GFRA1: variants seen among roughly 807,000 people sequenced by gnomAD.
The protein encoded by GFRA1 is GDNF family receptor alpha 1.
In GFRA1, 16 loss-of-function variants were observed where a neutral mutation model predicts 51.6. The ratio of observed to expected loss-of-function variants is 0.31; its 90% CI spans 0.21 to 0.47. The LOEUF (loss-of-function observed/expected upper bound fraction) is 0.47. Among genes scored for constraint, GFRA1 ranks in the 20% least tolerant of loss-of-function variants. GFRA1 has a pLI of 1.00. For missense variants in GFRA1, 530 were observed against 594.3 expected (o/e 0.89, Z 1.13); for synonymous variants, 270 against 241.3 (o/e 1.12, Z -1.10).
rs1444580392 is a variant in GFRA1, at chr10:116,063,497, C to A, written c.*901G>T. On this transcript the variant is annotated 3_prime_UTR_variant, in exon 11 of 11. Coordinates refer to ENST00000355422, the MANE Select transcript of GFRA1 (RefSeq NM_005264.8). The stretch of plus-strand genomic sequence containing the variant: ...TTAAACCATCAGTAAAAAAATGAGA[C>A]AATATCATTACTTTCAAAATATAGA... The A allele has an allele frequency of 6.6e-6, 1 of 152,160 alleles. No individual in the cohort carries two copies. Among genetic ancestry groups the A allele is most frequent in the African/African-American group, 2.4e-5 (1 of 41,450 alleles). The allele number at this position is 152,160 out of a possible 1,614,324, so 9.4% of individuals were successfully genotyped here. A position where few individuals can be genotyped will look rare whatever the true frequency, so the allele number is the denominator to read the frequency against.
intron 5 of GFRA1, among the ~76,000 whole-genome samples, chr10:116,147,251 G>C (rs920087237): frequency 2.6e-5 from 4 of 152,156 alleles, no homozygotes; most frequent in African/African-American, 4.8e-5. Flanking sequence ...ATCTCCTGGG[G>C]AACAGCTAAT....
intron 9 of GFRA1, among the ~76,000 whole-genome samples, chr10:116,082,326 C>A: frequency 6.6e-6 from 1 of 152,212 alleles, no homozygotes. Flanking sequence ...AGACCTAGTC[C>A]TTTTATTGCC....
intron 6 of GFRA1, among the ~76,000 whole-genome samples, chr10:116,116,581 G>C (rs1173442577): frequency 3.3e-5 from 5 of 152,228 alleles, no homozygotes; most frequent in Non-Finnish European, 7.3e-5. Flanking sequence ...GACCCTCACT[G>C]TCCAGCAGAT....
chr10:116,080,770 G>T (rs1254049049), intron 9 of GFRA1, among the ~76,000 whole-genome samples: 1 of 152,138 alleles, frequency 6.6e-6, no homozygotes, highest in Non-Finnish European at 1.5e-5. Context: ...ACAGGGTTGG[G>T]ACTTGAGCCA....
intron 5 of GFRA1, among the ~76,000 whole-genome samples, chr10:116,165,672 C>CACACACAT (rs1265169171): frequency 6.6e-6 from 1 of 151,572 alleles, no homozygotes; most frequent in South Asian, 2.1e-4. Flanking sequence ...CTCTCACACA[C>CACACACAT]ACACACACAC....
rs2133731972 is a variant in GFRA1, at chr10:116,059,582, T to G, written c.*4816A>C. The G allele has an allele frequency of 6.6e-6, 1 of 152,404 alleles. No homozygotes were observed. Among genetic ancestry groups the G allele is most frequent in the Middle Eastern group, 3.4e-3 (1 of 296 alleles). The allele number at this position is 152,404 out of a possible 1,614,324, so 9.4% of individuals were successfully genotyped here. On this transcript the variant is annotated 3_prime_UTR_variant, in exon 11 of 11. Transcript: ENST00000355422. ...CTCAACGACTATTAGCAGGCTGTGGTTCTCTGCAGGCAGTTTATTGGAATA... is the reference window on the plus strand; with the variant it reads ...CTCAACGACTATTAGCAGGCTGTGGGTCTCTGCAGGCAGTTTATTGGAATA...
intron 9 of GFRA1, among the ~76,000 whole-genome samples, chr10:116,067,178 CTTTTAATCTA>C (rs1589759747): frequency 6.6e-6 from 1 of 152,310 alleles, no homozygotes; most frequent in East Asian, 1.9e-4. Context: ...CAAAAGCCTA[CTTTTAATCTA>C]TATTAATAGC....
chr10:116,224,129 G>A (rs1343723754), intron 4 of GFRA1, among the ~76,000 whole-genome samples: 1 of 152,156 alleles, frequency 6.6e-6, no homozygotes, highest in African/African-American at 2.4e-5. Flanking sequence ...AAATTACCCA[G>A]CCTTGGGTAT....
intron 4 of GFRA1, among the ~76,000 whole-genome samples, chr10:116,262,028 G>A (rs1969338925): frequency 6.6e-6 from 1 of 152,134 alleles, no homozygotes; most frequent in Admixed American, 6.6e-5. Context: ...ATTTGCTACT[G>A]TGTCCCAGAG....
Position 116,063,306 on chromosome 10 carries a change from A to G in GFRA1, c.*1092T>C, listed in dbSNP as rs1031850784. On this transcript the variant is annotated 3_prime_UTR_variant, in exon 11 of 11. Coordinates refer to ENST00000355422, the MANE Select transcript of GFRA1 (RefSeq NM_005264.8). ...GCACTTCGAGCAATGACAAAAGACAATGCTTGTCTGTTCTGTTTCCTCCTG... is the reference window on the plus strand; with the variant it reads ...GCACTTCGAGCAATGACAAAAGACAGTGCTTGTCTGTTCTGTTTCCTCCTG... 12 of 152,230 alleles carry G rather than the reference A, an allele frequency of 7.9e-5. No individual in the cohort carries two copies. Among genetic ancestry groups the G allele is most frequent in the Admixed American group, 2.6e-4 (4 of 15,280 alleles). 9.4% of individuals were successfully genotyped at this position (152,230 alleles called of 1,614,324 possible).
chr10:116,189,350 GT>G (rs1469887928), intron 5 of GFRA1, among the ~76,000 whole-genome samples: 3 of 152,086 alleles, frequency 2.0e-5, no homozygotes, highest in African/African-American at 4.8e-5. Context: ...AACACGTCCT[GT>G]TTACCCAAGG....
At position 116,057,643 on chromosome 10, in the gene GFRA1, AGT is replaced by A. The variant is rs1413013033; in HGVS notation, c.*6753_*6754del. On this transcript the variant is annotated 3_prime_UTR_variant, in exon 11 of 11. Transcript: ENST00000355422. The stretch of plus-strand genomic sequence containing the variant: ...CTTTAAAGCAAACTCTGCAGTGAAA[AGT>A]GTTTCCCCCACTCCCTTGGGCGAGG... 2 of 152,158 alleles carry A rather than the reference AGT, an allele frequency of 1.3e-5. No homozygotes were observed. Among genetic ancestry groups the A allele is most frequent in the Non-Finnish European group, 2.9e-5 (2 of 68,032 alleles). 9.4% of individuals were successfully genotyped at this position (152,158 alleles called of 1,614,324 possible).
chr10:116,189,248 C>G (rs556616478), intron 5 of GFRA1, among the ~76,000 whole-genome samples: 1 of 152,268 alleles, frequency 6.6e-6, no homozygotes, highest in Non-Finnish European at 1.5e-5. Flanking sequence ...TTTTGGGGGG[C>G]AGATCTTATC....
chr10:116,108,214 A>AC (rs1957075208), intron 6 of GFRA1, among the ~76,000 whole-genome samples: 1 of 152,226 alleles, frequency 6.6e-6, no homozygotes, highest in Admixed American at 6.5e-5. Flanking sequence ...TAGTAAATAT[A>AC]CACTAGGTCA....
At position 116,133,425 on chromosome 10, in the gene GFRA1, C is replaced by T. The variant is rs141133839; in HGVS notation, c.434-7868G>A. On this transcript the variant is annotated intron_variant, in intron 5 of 10. Transcript: ENST00000355422. ...GAGGGTGAGATCCCAAAACCTAGGA[C>T]AAAAAGGGTCAGGTGCTGCTGAAGG... Among the ~76,000 whole-genome samples the T allele has an allele frequency of 7.4e-3, 1,131 of 152,160 alleles. 15 individuals carry two copies. Among genetic ancestry groups the T allele is most frequent in the African/African-American group, 0.026 (1,074 of 41,488 alleles).
At chr10:116,103,715 A>C (rs1309386570) in intron 6 of GFRA1, among the ~76,000 whole-genome samples, 1 of 152,254 alleles carries the variant, frequency 6.6e-6, no homozygotes, top group East Asian at 1.9e-4. Context: ...GAAAAGGCTA[A>C]AACACTGGAA....
At chr10:116,246,443 A>G (rs1335370753) in intron 4 of GFRA1, among the ~76,000 whole-genome samples, 4 of 152,192 alleles carry the variant, frequency 2.6e-5, no homozygotes, top group Non-Finnish European at 4.4e-5. Context: ...AAATAAATAA[A>G]TGGAGAAACT....
In GFRA1 at chr10:116,125,328, G is replaced by A. The variant is rs1289670363; in HGVS notation, c.663C>T (p.Cys221=). ...MLFCSCRDIA[C]TERRRQTIVP... ...CGATGGTCTGTCGCCTCCGCTCTGT[G>A]CAGGCGATGTCCCGGCAGGAGCAGA... is the stretch of plus-strand genomic sequence containing the variant. The change falls in exon 6 of 11, where the codon TGC becomes TGT. Residue 221 remains cysteine (C), a synonymous_variant. Coordinates refer to ENST00000355422, the MANE Select transcript of GFRA1 (RefSeq NM_005264.8). 6 of 1,614,246 alleles carry A rather than the reference G, an allele frequency of 3.7e-6. No homozygotes were observed. Among genetic ancestry groups the A allele is most frequent in the African/African-American group, 1.3e-5 (1 of 75,074 alleles).
At chr10:116,082,653 AT>A (rs1227693038) in intron 9 of GFRA1, among the ~76,000 whole-genome samples, 1 of 151,908 alleles carries the variant, frequency 6.6e-6, no homozygotes, top group Non-Finnish European at 1.5e-5. Context: ...CTAATTTTGT[AT>A]TTTTAGTAGA....
Sources: allele counts gnomAD v4.1 joint callset (sites outside exome capture counted in the v4.1 genomes callset), GRCh38; gene constraint gnomAD v4.1.1; transcripts MANE v1.5; gene names NCBI Gene and HGNC (gene_info 2026-07-23, HGNC 2026-07-21).